The following DENND1C variants were observed in gnomAD, a reference collection of about 807,000 sequenced individuals.
The protein encoded by DENND1C is DENN domain-containing protein 1C.
DENND1C carries 64 observed loss-of-function variants against 87.9 expected under a neutral mutation model. That is an observed-to-expected ratio of 0.73 (90% CI 0.60 to 0.90). DENND1C has a LOEUF of 0.90. Among genes scored for constraint, DENND1C ranks in the 40% least tolerant of loss-of-function variants. The pLI is 0.00. For missense variants in DENND1C, 980 were observed against 1,037.0 expected (o/e 0.95, Z 0.76); for synonymous variants, 384 against 424.4 (o/e 0.90, Z 1.17).
chr19:6,479,273 GT>G (rs1431938304), intron 4 of DENND1C, among the ~76,000 whole-genome samples: 1 of 143,980 alleles, frequency 6.9e-6, no homozygotes, highest in Admixed American at 6.7e-5. Flanking sequence ...GGATCTCTGG[GT>G]TTCTGGATCT....
intron 4 of DENND1C, 163 bp from the exon 5 acceptor site, chr19:6,479,219 C>T: frequency 4.8e-6 from 5 of 1,041,948 alleles, no homozygotes; most frequent in Non-Finnish European, 6.8e-6. Flanking sequence ...GTCCCTGAAT[C>T]TCTGGGTCCC....
rs771651500 is a variant in DENND1C, at chr19:6,472,859, C to G, written c.1158+30G>C. The G allele has an allele frequency of 2.7e-6, 4 of 1,459,824 alleles. No individual in the cohort carries two copies. In the Admixed American group the frequency reaches 1.1e-4, roughly 39 times the overall value. The allele number at this position is 1,459,824 out of a possible 1,614,324, so 90.4% of individuals were successfully genotyped here. A position where few individuals can be genotyped will look rare whatever the true frequency, so the allele number is the denominator to read the frequency against. ...GGGGACTCAGCAGTCCACCTCCAGT[C>G]CCAGCTGGACCCTCAGGGCTCTGGC... On this transcript the variant is annotated intron_variant, in intron 15 of 22. Transcript: ENST00000381480.
At position 6,479,866 on chromosome 19, in the gene DENND1C, C is replaced by G; in HGVS notation, c.119G>C (p.Arg40Thr). 14 of 1,610,544 alleles carry G rather than the reference C, an allele frequency of 8.7e-6. No individual in the cohort carries two copies. The highest frequency in any genetic ancestry group is 1.2e-5 in the Non-Finnish European group (14 of 1,178,418). Residue 40 changes from arginine (R) to threonine (T), a missense_variant, in exon 3 of 23, where the codon AGG becomes ACG. Arg to Thr is a moderately conservative substitution (Grantham distance 71). Transcript: ENST00000381480. ...AGGAGCCAGCCTGAATACCTGGTCC[C>G]TGAAGTCTGGAGGGAACTGCCGCAG... ...PILRQFPPDF[R>T]DQEAMQMVPK...
chr19:6,468,624 T>A lies in DENND1C; in HGVS notation c.1537A>T (p.Arg513Trp). ...GTTCCCTCTTCCAGCTGGCGTCTCC[T>A]GCTGGGGCGAAGGGGCCGGTTCTGC... Reference protein sequence around the residue: ...FGKNRPLRPSRRRQLEEGTSE... With the variant: ...FGKNRPLRPSWRRQLEEGTSE... The change falls in exon 21 of 23, where the codon AGG (arginine) becomes TGG (tryptophan). Residue 513 changes from arginine (R) to tryptophan (W), a missense_variant. Coordinates refer to ENST00000381480, the MANE Select transcript of DENND1C (RefSeq NM_024898.4). The A allele has an allele frequency of 6.7e-7, 1 of 1,497,654 alleles. No individual in the cohort carries two copies. The highest frequency in any genetic ancestry group is 8.9e-7 in the Non-Finnish European group (1 of 1,126,778). The allele number at this position is 1,497,654 out of a possible 1,614,324, so 92.8% of individuals were successfully genotyped here.
At chr19:6,481,444 C>A (rs911138390) in intron 1 of DENND1C, among the ~76,000 whole-genome samples, 7 of 146,854 alleles carry the variant, frequency 4.8e-5, no homozygotes, top group African/African-American at 1.7e-4. Flanking sequence ...GAGCTATAGA[C>A]ATAATCACAG....
At chr19:6,474,508 C>T (rs570419176) in intron 14 of DENND1C, among the ~76,000 whole-genome samples, 1 of 152,310 alleles carries the variant, frequency 6.6e-6, no homozygotes, top group Non-Finnish European at 1.5e-5. Flanking sequence ...TTGGTTTCCT[C>T]ATATGGAAAA....
chr19:6,467,577 G>A lies in DENND1C; in HGVS notation c.2333C>T (p.Thr778Ile), dbSNP rs546680336. Reference protein sequence around the residue: ...PGALNSPATPTSNCQKSQPSS... With the variant: ...PGALNSPATPISNCQKSQPSS... ...GGGCTGGGACTTTTGACAGTTGCTG[G>A]TGGGTGTAGCAGGGGAATTCAGGGC... Residue 778 changes from threonine to isoleucine, a missense_variant, in exon 23 of 23, where the codon ACC becomes ATC. Thr to Ile is a moderately conservative substitution (Grantham distance 89, BLOSUM62 -1). Transcript: ENST00000381480. 1.2e-6 allele frequency: 2 copies of A among 1,606,420 alleles called. No individual in the cohort carries two copies. The highest frequency in any genetic ancestry group is 1.7e-5 in the Admixed American group (1 of 57,694).
In DENND1C at chr19:6,470,298, G is replaced by A; in HGVS notation, c.1359C>T (p.Arg453=). Residue 453 remains arginine (R), a synonymous_variant, in exon 18 of 23, where the codon CGC becomes CGT. Transcript: ENST00000381480. ...KTQPAVKNMY[R]SAKSGLKGVQ... ...GGCCTGTCCAGCTCAGCCTCACCGA[G>A]CGGTACATGTTCTTGACGGCTGGTT... 6.2e-7 allele frequency: 1 copy of A among 1,609,004 alleles called. No homozygotes were observed. Among genetic ancestry groups the A allele is most frequent in the South Asian group, 1.1e-5 (1 of 89,882 alleles).
intron 18 of DENND1C, chr19:6,469,892 C>T (rs985214837): frequency 2.8e-5 from 15 of 536,518 alleles, no homozygotes; most frequent in African/African-American, 2.1e-4. Context: ...CAAGGTGTTC[C>T]TGTTTCAAAG....
In DENND1C at chr19:6,472,119, C is replaced by A. The variant is rs2092832677; in HGVS notation, c.1159-623G>T. ...GTAGGTGGACCCCATCTTTAGGGATCTTGTGGTCCAAGCTACCTTCTCCCA... is the reference window on the plus strand; with the variant it reads ...GTAGGTGGACCCCATCTTTAGGGATATTGTGGTCCAAGCTACCTTCTCCCA... On this transcript the variant is annotated intron_variant, in intron 15 of 22. Coordinates refer to ENST00000381480, the MANE Select transcript of DENND1C (RefSeq NM_024898.4). Among the ~76,000 whole-genome samples, 8 of 152,330 alleles carry A rather than the reference C, an allele frequency of 5.3e-5. No homozygotes were observed. The South Asian group carries it at 1.7e-3, about 32-fold the overall frequency.
intron 14 of DENND1C, among the ~76,000 whole-genome samples, chr19:6,473,215 C>G (rs530259591): frequency 6.6e-6 from 1 of 152,046 alleles, no homozygotes; most frequent in African/African-American, 2.4e-5. Context: ...AATGCAGTGG[C>G]GTGATCTCAG....
At position 6,475,443 on chromosome 19, in the gene DENND1C, C is replaced by T. The variant is rs116262968; in HGVS notation, c.927+41G>A. ...GCCCTGAGTGGGCAGGTGTGGGCCC[C>T]TCGCCTCCCGGGGCAGGAAGGTGGG... On this transcript the variant is annotated intron_variant, in intron 13 of 22. Transcript: ENST00000381480. The T allele has an allele frequency of 7.3e-5, 117 of 1,613,358 alleles. No individual in the cohort carries two copies. In the African/African-American group the frequency reaches 1.4e-3, roughly 20 times the overall value.
At position 6,471,418 on chromosome 19, in the gene DENND1C, C is replaced by T. The variant is rs201113925; in HGVS notation, c.1237G>A (p.Gly413Arg). 178 of 1,585,892 alleles carry T rather than the reference C, an allele frequency of 1.1e-4. 1 individual carries two copies. The Middle Eastern group carries it at 1.8e-3, about 16-fold the overall frequency. ...ACTCAGGGCTCACCTGAGGAGGCCC[C>T]GCAGCCAGTGATCTCCTGCTCGAAT... ...DQFEQEITGC[G>R]ASSGALRSYQ... The change falls in exon 16 of 23, where the codon GGG becomes AGG. Residue 413 changes from glycine to arginine, a missense_variant. Transcript: ENST00000381480.
intron 6 of DENND1C, 119 bp from the exon 7 acceptor site, chr19:6,477,577 A>AT: frequency 4.4e-6 from 2 of 449,524 alleles, no homozygotes; most frequent in South Asian, 8.5e-5. Flanking sequence ...CAGTCCTGGG[A>AT]GTTTTTTTTT....
chr19:6,470,794 G>C (rs1045903407), intron 17 of DENND1C, among the ~76,000 whole-genome samples: 2 of 151,182 alleles, frequency 1.3e-5, no homozygotes, highest in Non-Finnish European at 2.9e-5. Context: ...GCTAATTTTT[G>C]TATTTTTAGT....
chr19:6,476,142 C>G (rs2092858650), intron 10 of DENND1C: 2 of 574,198 alleles, frequency 3.5e-6, no homozygotes, highest in Non-Finnish European at 3.0e-6. Context: ...GAAGCCAGGA[C>G]TCATACCGTC....
chr19:6,472,815 C>A (rs1215151824), intron 15 of DENND1C, 74 bp downstream of exon 15: 2 of 1,279,886 alleles, frequency 1.6e-6, no homozygotes, highest in Admixed American at 6.7e-5. Flanking sequence ...CTCAACCCTG[C>A]CAGTTCAGAC....
chr19:6,469,746 G>C, intron 18 of DENND1C, 106 bp from the exon 19 acceptor site: 1 of 1,209,298 alleles, frequency 8.3e-7, no homozygotes, highest in Non-Finnish European at 1.2e-6. Flanking sequence ...CCATCTGCAT[G>C]TCTCAAATAC....
At chr19:6,469,827 G>T in intron 18 of DENND1C, 187 bp from the exon 19 acceptor site, 1 of 608,508 alleles carries the variant, frequency 1.6e-6, no homozygotes, top group Non-Finnish European at 2.9e-6. Flanking sequence ...TATAAAATGA[G>T]TATTCCTGGA....
Sources: gnomAD v4.1 joint callset for allele counts (sites outside exome capture counted in the v4.1 genomes callset) on GRCh38, gnomAD v4.1.1 for gene constraint, MANE v1.5 for transcripts, NCBI Gene and HGNC (gene_info 2026-07-23, HGNC 2026-07-21) for gene names.